Variants in MS4A12 observed in about 807,000 individuals in gnomAD.
MS4A12 encodes the protein membrane-spanning 4-domains subfamily A member 12.
A neutral mutation model predicts 23.7 loss-of-function variants in MS4A12; 28 were observed. The observed-to-expected ratio is 1.18, with a 90% CI of 0.88 to 1.62. The LOEUF is 1.62. Ranked by LOEUF, MS4A12 falls within the 40% of genes most tolerant of loss-of-function variation. MS4A12 has a pLI of 0.00. For synonymous variants in MS4A12, 108 were observed against 110.1 expected (o/e 0.98, Z 0.12); for missense variants, 342 against 327.0 (o/e 1.05, Z -0.35).
rs576728511 is a variant in MS4A12 at position 60,494,050 on chromosome 11, T to C, written c.-7+1222T>C. Reference sequence around the variant, plus strand: ...CAAGAGAACAATCCTACTAAGTCAATAGGTGGAATCTATAAAAGGAGTCTA... The same window carrying C: ...CAAGAGAACAATCCTACTAAGTCAACAGGTGGAATCTATAAAAGGAGTCTA... On this transcript the variant is annotated intron_variant, in intron 1 of 6. Transcript: ENST00000016913. Among the ~76,000 whole-genome samples, 54 of 152,326 alleles carry C rather than the reference T, an allele frequency of 3.5e-4. No homozygotes were observed. The East Asian group carries it at 9.6e-3, about 27-fold the overall frequency.
intron 4 of MS4A12, 54 bp downstream of exon 4, chr11:60,502,093 T>G: frequency 6.6e-7 from 1 of 1,504,214 alleles, no homozygotes; most frequent in Non-Finnish European, 9.1e-7. Context: ...GCTTAACATA[T>G]TGGGGAGGAA....
chr11:60,507,246 G>T lies in MS4A12; in HGVS notation c.*122G>T, dbSNP rs1028793998. Reference sequence around the variant, plus strand: ...TCTTTAAAAACTGTGTTTGAGATTTGTTTTTAGGTTGGTCGCTAATGATGG... The same window carrying T: ...TCTTTAAAAACTGTGTTTGAGATTTTTTTTTAGGTTGGTCGCTAATGATGG... On this transcript the variant is annotated 3_prime_UTR_variant, in exon 7 of 7. Coordinates refer to ENST00000016913, the MANE Select transcript of MS4A12 (RefSeq NM_017716.3). 11 of 809,154 alleles carry T rather than the reference G, an allele frequency of 1.4e-5. No individual in the cohort carries two copies. The highest frequency in any genetic ancestry group is 2.5e-5 in the Admixed American group (1 of 39,658). 50.1% of individuals were successfully genotyped at this position (809,154 alleles called of 1,614,324 possible).
At chr11:60,496,706 G>A (rs867580622) in intron 1 of MS4A12, among the ~76,000 whole-genome samples, 2 of 152,184 alleles carry the variant, frequency 1.3e-5, no homozygotes, top group African/African-American at 4.8e-5. Flanking sequence ...TTATCTGACA[G>A]TTCTGTAGGT....
At chr11:60,500,622 G>A (rs936096756) in intron 2 of MS4A12, among the ~76,000 whole-genome samples, 2 of 152,174 alleles carry the variant, frequency 1.3e-5, no homozygotes, top group Non-Finnish European at 2.9e-5. Flanking sequence ...CTAATAAATG[G>A]TTTTATCTTC....
intron 1 of MS4A12, among the ~76,000 whole-genome samples, chr11:60,496,085 A>G (rs1483589574): frequency 6.6e-6 from 1 of 152,176 alleles, no homozygotes; most frequent in Non-Finnish European, 1.5e-5. Flanking sequence ...TCAATTTCTC[A>G]TCTGTAAATC....
intron 1 of MS4A12, among the ~76,000 whole-genome samples, chr11:60,497,072 T>A (rs1319039299): frequency 1.3e-5 from 2 of 152,172 alleles, no homozygotes; most frequent in Non-Finnish European, 2.9e-5. Context: ...GCAGTAATGC[T>A]TGCCTGCTGC....
In MS4A12 at chr11:60,501,136, C is replaced by T. The variant is rs1309023758; in HGVS notation, c.368C>T (p.Ala123Val). 3 of 1,613,078 alleles carry T rather than the reference C, an allele frequency of 1.9e-6. No homozygotes were observed. Among genetic ancestry groups the T allele is most frequent in the African/African-American group, 1.3e-5 (1 of 74,784 alleles). The part of the protein sequence containing the change: ...SFSFREVLGF[A>V]STAVIGGYPF... ...TCTTTTAGAGAAGTATTAGGTTTTG[C>T]CTCTACTGCTGTTATTGGTGGATAC... is the stretch of plus-strand genomic sequence containing the variant. The change falls in exon 3 of 7, where the codon GCC becomes GTC. Residue 123 changes from alanine to valine, a missense_variant. Transcript: ENST00000016913.
At chr11:60,496,497 T>G (rs2086488645) in intron 1 of MS4A12, among the ~76,000 whole-genome samples, 1 of 152,162 alleles carries the variant, frequency 6.6e-6, no homozygotes, top group Admixed American at 6.5e-5. Flanking sequence ...AATAAAAGCA[T>G]TTTTCCTAAA....
intron 1 of MS4A12, among the ~76,000 whole-genome samples, chr11:60,494,477 G>A (rs758204006): frequency 2.6e-5 from 4 of 152,090 alleles, no homozygotes; most frequent in African/African-American, 4.8e-5. Flanking sequence ...AAAAATTCTT[G>A]TTCTGGTTAA....
chr11:60,494,012 T>C (rs1474675658), intron 1 of MS4A12, among the ~76,000 whole-genome samples: 1 of 152,226 alleles, frequency 6.6e-6, no homozygotes, highest in African/African-American at 2.4e-5. Flanking sequence ...GGGGTAAATA[T>C]TTTGTCAACT....
chr11:60,506,995 G>A, intron 6 of MS4A12, 25 bp from the exon 7 acceptor site: 1 of 1,584,764 alleles, frequency 6.3e-7, no homozygotes. Flanking sequence ...TAACCATATT[G>A]CTTGTTTTTA....
chr11:60,495,195 G>A (rs1467300826), intron 1 of MS4A12, among the ~76,000 whole-genome samples: 1 of 151,336 alleles, frequency 6.6e-6, no homozygotes, highest in Non-Finnish European at 1.5e-5. Flanking sequence ...GTAGAGACGG[G>A]GTTTCACCAT....
chr11:60,504,434 G>A (rs1480838874), intron 5 of MS4A12, among the ~76,000 whole-genome samples: 1 of 152,176 alleles, frequency 6.6e-6, no homozygotes, highest in Non-Finnish European at 1.5e-5. Context: ...TGGGCTGGAA[G>A]CTGTCATCCT....
Position 60,506,798 on chromosome 11 carries a change from C to T in MS4A12, c.659C>T (p.Thr220Ile), listed in dbSNP as rs761043413. 2 of 1,614,204 alleles carry T rather than the reference C, an allele frequency of 1.2e-6. No individual in the cohort carries two copies. The highest frequency in any genetic ancestry group is 1.7e-5 in the Admixed American group (1 of 60,036). The change falls in exon 6 of 7, where the codon ACA becomes ATA. Residue 220 changes from threonine to isoleucine, a missense_variant. Transcript: ENST00000016913. ...TTGGAGTTCTTCGTAGCTTGTGCCA[C>T]AGCCCATTTTGCCAACCAAGCAAAC... Reference protein sequence around the residue: ...SLLEFFVACATAHFANQANTT... With the variant: ...SLLEFFVACAIAHFANQANTT...
At chr11:60,500,554 A>G (rs1745440177) in intron 2 of MS4A12, among the ~76,000 whole-genome samples, 1 of 152,164 alleles carries the variant, frequency 6.6e-6, no homozygotes, top group Non-Finnish European at 1.5e-5. Context: ...TTGTAGGAGG[A>G]TTACATGAAA....
At chr11:60,499,922 T>C (rs1035649273) in intron 2 of MS4A12, among the ~76,000 whole-genome samples, 5 of 152,146 alleles carry the variant, frequency 3.3e-5, no homozygotes, top group Non-Finnish European at 5.9e-5. Flanking sequence ...TAGTAATATA[T>C]GATTGATAAG....
chr11:60,505,558 G>C (rs1280836415), intron 5 of MS4A12, among the ~76,000 whole-genome samples: 1 of 151,938 alleles, frequency 6.6e-6, no homozygotes, highest in African/African-American at 2.4e-5. Flanking sequence ...TCCAAGTAGA[G>C]AAACAAATCA....
At chr11:60,497,250 AAG>A in intron 1 of MS4A12, 61 bp from the exon 2 acceptor site, 1 of 1,489,710 alleles carries the variant, frequency 6.7e-7, no homozygotes, top group East Asian at 2.3e-5. Flanking sequence ...GACATTTGGT[AAG>A]ATTTTCTTTA....
In MS4A12 at chr11:60,501,130, G is replaced by A. The variant is rs1175190309; in HGVS notation, c.362G>A (p.Gly121Asp). 6.2e-7 allele frequency: 1 copy of A among 1,613,592 alleles called. No individual in the cohort carries two copies. Among genetic ancestry groups the A allele is most frequent in the Non-Finnish European group, 8.5e-7 (1 of 1,179,848 alleles). The change falls in exon 3 of 7, where the codon GGT (glycine) becomes GAT (aspartate). Residue 121 changes from glycine to aspartate, a missense_variant. Transcript: ENST00000016913. ...LISFSFREVL[G>D]FASTAVIGGY... ...TCCTTCTCTTTTAGAGAAGTATTAG[G>A]TTTTGCCTCTACTGCTGTTATTGGT...
Sources: allele counts gnomAD v4.1 joint callset (sites outside exome capture counted in the v4.1 genomes callset), GRCh38; gene constraint gnomAD v4.1.1; transcripts MANE v1.5; gene names NCBI Gene and HGNC (gene_info 2026-07-23, HGNC 2026-07-21).